The following DCHS2 variants were observed in gnomAD, a reference collection of about 807,000 sequenced individuals.
DCHS2 encodes the protein protocadherin-23.
Under a neutral mutation model 182.4 loss-of-function variants are expected in DCHS2, and 142 were observed. The observed-to-expected ratio is 0.78, with a 90% confidence interval of 0.68 to 0.89. The LOEUF is 0.89. Among genes scored for constraint, DCHS2 ranks in the 40% least tolerant of loss-of-function variants. The pLI is 0.00. For synonymous variants in DCHS2, 1,740 were observed against 1,663.3 expected, an observed-to-expected ratio of 1.05 and a Z score of -1.12; for missense variants, 4,319 against 4,198.6, an observed-to-expected ratio of 1.03 and a Z score of -0.79.
At chr4:154,391,060 G>A (rs57468943) in intron 1 of DCHS2, 14,161 of 943,418 alleles carry the variant, frequency 0.015, 717 homozygotes, top group South Asian at 0.12. Flanking sequence ...TTATTTCCCT[G>A]AAGCTCAGAA....
At chr4:154,273,262 A>G (rs1333349444) in intron 13 of DCHS2, among the ~76,000 whole-genome samples, 2 of 152,152 alleles carry the variant, frequency 1.3e-5, no homozygotes, top group Non-Finnish European at 2.9e-5. Context: ...CACACCATGG[A>G]ATACCTCTCA....
At chr4:154,345,514 A>T (rs1277719693) in intron 3 of DCHS2, among the ~76,000 whole-genome samples, 1 of 152,248 alleles carries the variant, frequency 6.6e-6, no homozygotes, top group African/African-American at 2.4e-5. Flanking sequence ...CTCCAAGCAA[A>T]TAAACAAGTG....
intron 5 of DCHS2, chr4:154,331,775 G>A (rs866174853): frequency 2.0e-6 from 3 of 1,520,628 alleles, no homozygotes; most frequent in Admixed American, 2.1e-5. Flanking sequence ...TGTACTACTC[G>A]AGCTATCTGA....
chr4:154,390,923 C>T (rs528047049), intron 1 of DCHS2, among the ~76,000 whole-genome samples: 1 of 152,222 alleles, frequency 6.6e-6, no homozygotes, highest in Non-Finnish European at 1.5e-5. Flanking sequence ...TTTTATTTAT[C>T]CAAAAATGAA....
In DCHS2 at chr4:154,490,189, G is replaced by A. The variant is rs542419101; in HGVS notation, c.1167C>T (p.Gly389=). Reference sequence around the variant, plus strand: ...GCACCGTGGCAACCTCAGGCTCGGCGCCTCCATCGCGGGCCTCCACCACCA... The same window carrying A: ...GCACCGTGGCAACCTCAGGCTCGGCACCTCCATCGCGGGCCTCCACCACCA... ...HQLVVEARDG[G]AEPEVATVRV... The change falls in exon 1 of 20, where the codon GGC becomes GGT. Residue 389 remains glycine, a synonymous_variant. Coordinates refer to ENST00000357232, the MANE Select transcript of DCHS2 (RefSeq NM_001358235.2). 300 of 1,549,234 alleles carry A rather than the reference G, an allele frequency of 1.9e-4. 2 individuals carry two copies. In the African/African-American group the frequency reaches 3.8e-3, roughly 20 times the overall value.
At chr4:154,350,926 G>A (rs1446580426) in intron 3 of DCHS2, among the ~76,000 whole-genome samples, 1 of 152,182 alleles carries the variant, frequency 6.6e-6, no homozygotes, top group Non-Finnish European at 1.5e-5. Context: ...TATTTGAGAA[G>A]TCAGATCTCA....
At chr4:154,420,246 C>CAGATAGATAGATAGATAGAT (rs35709774) in intron 1 of DCHS2, among the ~76,000 whole-genome samples, 20 of 144,748 alleles carry the variant, frequency 1.4e-4, no homozygotes, top group South Asian at 2.3e-4. Context: ...GACAGACAGA[C>CAGATAGATAGATAGATAGAT]AGATAGATAG....
intron 13 of DCHS2, among the ~76,000 whole-genome samples, chr4:154,293,320 A>G (rs926983690): frequency 1.3e-5 from 2 of 151,944 alleles, no homozygotes; most frequent in Non-Finnish European, 2.9e-5. Flanking sequence ...CTCCCGGATT[A>G]CAGGCAAGCG....
intron 1 of DCHS2, among the ~76,000 whole-genome samples, chr4:154,414,734 A>G (rs915312423): frequency 6.6e-6 from 1 of 152,136 alleles, no homozygotes; most frequent in Non-Finnish European, 1.5e-5. Flanking sequence ...TTCTTACATG[A>G]ATATGTAAAA....
At chr4:154,257,111 G>T (rs1467966706) in intron 15 of DCHS2, among the ~76,000 whole-genome samples, 5 of 152,166 alleles carry the variant, frequency 3.3e-5, no homozygotes, top group Admixed American at 3.3e-4. Flanking sequence ...AGCTGGGCGT[G>T]GTGGCATACG....
intron 3 of DCHS2, among the ~76,000 whole-genome samples, chr4:154,363,667 T>A (rs1409054347): frequency 2.0e-5 from 3 of 152,208 alleles, no homozygotes; most frequent in Non-Finnish European, 4.4e-5. Flanking sequence ...TAATAATATG[T>A]TCTATACTTG....
At chr4:154,379,548 A>T (rs928087827) in intron 1 of DCHS2, among the ~76,000 whole-genome samples, 1 of 152,134 alleles carries the variant, frequency 6.6e-6, no homozygotes, top group East Asian at 1.9e-4. Context: ...ACCCAGTGCC[A>T]CTCTACTATA....
intron 1 of DCHS2, among the ~76,000 whole-genome samples, chr4:154,454,429 A>G (rs1025474890): frequency 2.6e-5 from 4 of 152,194 alleles, no homozygotes; most frequent in Non-Finnish European, 5.9e-5. Flanking sequence ...TTTTTTATAG[A>G]GATGGGGTCT....
intron 14 of DCHS2, among the ~76,000 whole-genome samples, chr4:154,265,640 A>C (rs796925922): frequency 2.8e-4 from 42 of 152,306 alleles, no homozygotes; most frequent in African/African-American, 9.9e-4. Context: ...GAAGCCAGTG[A>C]TCAATACAAA....
chr4:154,327,981 C>G (rs781153661), intron 7 of DCHS2, 112 bp downstream of exon 7: 15 of 626,200 alleles, frequency 2.4e-5, no homozygotes, highest in Non-Finnish European at 3.2e-5. Flanking sequence ...TCAAAACTAA[C>G]TACAGCATTC....
At chr4:154,469,703 T>C (rs1032806501) in intron 1 of DCHS2, among the ~76,000 whole-genome samples, 4 of 152,190 alleles carry the variant, frequency 2.6e-5, no homozygotes, top group African/African-American at 9.6e-5. Flanking sequence ...CCCTTGACCA[T>C]AGCAAGCTCC....
At chr4:154,419,232 T>A (rs771482470) in intron 1 of DCHS2, among the ~76,000 whole-genome samples, 48 of 152,324 alleles carry the variant, frequency 3.2e-4, no homozygotes, top group Non-Finnish European at 6.2e-4. Flanking sequence ...ACAAAAATTA[T>A]TTTGTGTGTT....
intron 14 of DCHS2, chr4:154,269,554 G>A (rs1157726353): frequency 5.2e-6 from 1 of 190,676 alleles, no homozygotes; most frequent in Admixed American, 6.2e-5. Context: ...CTTACAGCTA[G>A]ATGTGTTCTT....
rs553925397 is a variant in DCHS2, at chr4:154,459,394, A to G, written c.2052+29910T>C. ...TTTACGTTTCATTAAAAAAAAAGAA[A>G]CAAAAGAGACTTTAAAAAAATCATC... On this transcript the variant is annotated intron_variant, in intron 1 of 19. Coordinates refer to ENST00000357232, the MANE Select transcript of DCHS2 (RefSeq NM_001358235.2). Among the ~76,000 whole-genome samples, 10 of 152,268 alleles carry G rather than the reference A, an allele frequency of 6.6e-5. No individual in the cohort carries two copies. The East Asian group carries it at 1.9e-3, about 29-fold the overall frequency.
Sources: allele counts gnomAD v4.1 joint callset (sites outside exome capture counted in the v4.1 genomes callset), GRCh38; gene constraint gnomAD v4.1.1; transcripts MANE v1.5; gene names NCBI Gene and HGNC (gene_info 2026-07-23, HGNC 2026-07-21).